Variants in SGCZ observed in about 807,000 individuals in gnomAD.
SGCZ encodes zeta-sarcoglycan.
Under a neutral mutation model 41.3 loss-of-function variants are expected in SGCZ, and 40 were observed. The ratio of observed to expected loss-of-function variants is 0.97; its 90% CI spans 0.75 to 1.26. The LOEUF (loss-of-function observed/expected upper bound fraction) is 1.26. Among genes scored for constraint, SGCZ ranks in the 50% most tolerant of loss-of-function variants. The pLI is 0.00. For missense variants in SGCZ, 552 were observed against 369.8 expected (o/e 1.49, Z -4.04); for synonymous variants, 206 against 137.5 (o/e 1.50, Z -3.49).
chr8:14,438,759 C>T lies in SGCZ; in HGVS notation c.235-114555G>A, dbSNP rs1024520287. 2.0e-5 allele frequency among the ~76,000 whole-genome samples: 3 copies of T among 151,866 alleles called. No individual in the cohort carries two copies. In the East Asian group the frequency reaches 5.8e-4, roughly 29 times the overall value. ...ATCTGAGAAATAGCTTAAAATATCA[C>T]TGTAACATTATATTAATTAATAAAT... On this transcript the variant is annotated intron_variant, in intron 2 of 7. Transcript: ENST00000382080.
intron 1 of SGCZ, among the ~76,000 whole-genome samples, chr8:14,841,593 T>A (rs989630447): frequency 1.3e-5 from 2 of 152,180 alleles, no homozygotes. Context: ...AGATGAGTAA[T>A]TTATTTCGGC....
intron 2 of SGCZ, among the ~76,000 whole-genome samples, chr8:14,338,297 A>G (rs1201837934): frequency 6.6e-6 from 1 of 152,220 alleles, no homozygotes; most frequent in Non-Finnish European, 1.5e-5. Flanking sequence ...TGCCCCAACT[A>G]TTAGGAGCAC....
chr8:14,755,669 A>G (rs559696915), intron 1 of SGCZ, among the ~76,000 whole-genome samples: 2 of 152,280 alleles, frequency 1.3e-5, no homozygotes, highest in African/African-American at 4.8e-5. Flanking sequence ...ATATACATAT[A>G]CACTTCTATG....
At chr8:15,170,815 T>C (rs1468314907) in intron 1 of SGCZ, among the ~76,000 whole-genome samples, 2 of 152,238 alleles carry the variant, frequency 1.3e-5, no homozygotes, top group East Asian at 3.8e-4. Context: ...AGACTTTTGA[T>C]ATGGACTATA....
chr8:14,567,935 G>C (rs923193026), intron 1 of SGCZ, among the ~76,000 whole-genome samples: 1 of 152,140 alleles, frequency 6.6e-6, no homozygotes, highest in Admixed American at 6.5e-5. Context: ...AAAAACTCTG[G>C]ACATGCCGCT....
chr8:14,138,009 G>A (rs1231861629), intron 5 of SGCZ, among the ~76,000 whole-genome samples: 2 of 152,208 alleles, frequency 1.3e-5, no homozygotes, highest in Non-Finnish European at 2.9e-5. Flanking sequence ...AGCCAGAAGA[G>A]AGTGGGGGCC....
intron 2 of SGCZ, among the ~76,000 whole-genome samples, chr8:14,441,941 C>T (rs11990724): frequency 0.34 from 51,755 of 152,022 alleles, 8,971 homozygotes; most frequent in African/African-American, 0.39. Context: ...GCTTTTCTGA[C>T]GTATCTAAAT....
chr8:14,653,329 C>T (rs1315240945), intron 1 of SGCZ, among the ~76,000 whole-genome samples: 1 of 151,956 alleles, frequency 6.6e-6, no homozygotes, highest in East Asian at 1.9e-4. Context: ...GTCTTGTGTT[C>T]CAGATATCTA....
In SGCZ at chr8:14,403,602, C is replaced by T. The variant is rs980515408; in HGVS notation, c.235-79398G>A. 4.6e-5 allele frequency among the ~76,000 whole-genome samples: 7 copies of T among 152,068 alleles called. No individual in the cohort carries two copies. In the South Asian group the frequency reaches 1.0e-3, roughly 23 times the overall value. ...ATGCTGGATTACATTTATTGATTCGCGTATATTGAACCAGCCTTGCATCAA... is the reference window on the plus strand; with the variant it reads ...ATGCTGGATTACATTTATTGATTCGTGTATATTGAACCAGCCTTGCATCAA... On this transcript the variant is annotated intron_variant, in intron 2 of 7. Transcript: ENST00000382080.
chr8:14,233,446 C>A (rs1006244975), intron 4 of SGCZ, among the ~76,000 whole-genome samples: 1 of 150,962 alleles, frequency 6.6e-6, no homozygotes, highest in South Asian at 2.1e-4. Flanking sequence ...ATATAATTAT[C>A]CTCATGATAT....
At chr8:14,108,490 A>G (rs1443526754) in intron 5 of SGCZ, among the ~76,000 whole-genome samples, 1 of 152,166 alleles carries the variant, frequency 6.6e-6, no homozygotes. Flanking sequence ...CACTTCATAC[A>G]TCGCGGTGGC....
At chr8:14,573,282 C>G (rs1156625933) in intron 1 of SGCZ, among the ~76,000 whole-genome samples, 3 of 150,480 alleles carry the variant, frequency 2.0e-5, no homozygotes, top group African/African-American at 7.4e-5. Context: ...ACTGCAAGCT[C>G]CGCCTCCCGG....
chr8:14,221,412 T>G (rs1035353744), intron 4 of SGCZ, among the ~76,000 whole-genome samples: 1 of 152,224 alleles, frequency 6.6e-6, no homozygotes, highest in Non-Finnish European at 1.5e-5. Context: ...TTTTGCTGTG[T>G]TGTGTATCCA....
chr8:14,255,980 T>C (rs1036007136), intron 3 of SGCZ, among the ~76,000 whole-genome samples: 4 of 152,144 alleles, frequency 2.6e-5, no homozygotes, highest in Admixed American at 2.6e-4. Context: ...TATCTATTCA[T>C]TAAATATATT....
At chr8:14,827,705 G>A (rs990954596) in intron 1 of SGCZ, among the ~76,000 whole-genome samples, 3 of 152,124 alleles carry the variant, frequency 2.0e-5, no homozygotes, top group Non-Finnish European at 4.4e-5. Context: ...GCCCTTTACA[G>A]AAAGCATTTG....
intron 5 of SGCZ, among the ~76,000 whole-genome samples, chr8:14,156,162 T>G (rs1456706249): frequency 6.6e-6 from 1 of 152,130 alleles, no homozygotes; most frequent in Non-Finnish European, 1.5e-5. Flanking sequence ...GAGGCGACGC[T>G]GAATTTATTT....
At position 14,667,044 on chromosome 8, in the gene SGCZ, T is replaced by G. The variant is rs565654647; in HGVS notation, c.40-112118A>C. Among the ~76,000 whole-genome samples the G allele has an allele frequency of 2.6e-5, 4 of 152,122 alleles. 1 individual carries two copies. In the South Asian group the frequency reaches 6.2e-4, roughly 24 times the overall value. Reference sequence around the variant, plus strand: ...ATATAGCAATGATAATAGAGACATATAGAGAGAGACATATATATATGTCAA... The same window carrying G: ...ATATAGCAATGATAATAGAGACATAGAGAGAGAGACATATATATATGTCAA... On this transcript the variant is annotated intron_variant, in intron 1 of 7. Coordinates refer to ENST00000382080, the MANE Select transcript of SGCZ (RefSeq NM_139167.4).
chr8:14,206,207 A>G (rs550455672), intron 4 of SGCZ, among the ~76,000 whole-genome samples: 1 of 152,220 alleles, frequency 6.6e-6, no homozygotes, highest in South Asian at 2.1e-4. Flanking sequence ...AACAACTTTT[A>G]CTCCTTTGCC....
chr8:15,035,687 A>G (rs955762159), intron 1 of SGCZ, among the ~76,000 whole-genome samples: 1 of 152,168 alleles, frequency 6.6e-6, no homozygotes, highest in African/African-American at 2.4e-5. Context: ...AAACAAGGTT[A>G]GCTACGCTTC....
Sources: allele counts gnomAD v4.1 joint callset (sites outside exome capture counted in the v4.1 genomes callset), GRCh38; gene constraint gnomAD v4.1.1; transcripts MANE v1.5; gene names NCBI Gene and HGNC (gene_info 2026-07-23, HGNC 2026-07-21).